The following ARHGAP15 variants were observed in gnomAD, a reference collection of about 807,000 sequenced individuals.
ARHGAP15 encodes the protein Rho GTPase activating protein 15.
A neutral mutation model predicts 63.7 loss-of-function variants in ARHGAP15; 51 were observed. That is an observed-to-expected ratio of 0.80 (90% CI 0.64 to 1.01). The LOEUF is 1.01. Ranked by LOEUF, ARHGAP15 falls within the 50% of genes least tolerant of loss-of-function variation. ARHGAP15 has a pLI of 0.00. For missense variants in ARHGAP15, 560 were observed against 564.6 expected, an observed-to-expected ratio of 0.99 and a Z score of 0.08; for synonymous variants, 191 against 193.8, an observed-to-expected ratio of 0.99 and a Z score of 0.12.
chr2:143,260,245 T>G (rs1345386095), intron 6 of ARHGAP15, among the ~76,000 whole-genome samples: 1 of 152,172 alleles, frequency 6.6e-6, no homozygotes, highest in Admixed American at 6.6e-5. Flanking sequence ...TAAGAAATTT[T>G]GATGATTCTC....
chr2:143,722,851 A>C (rs1350908621), intron 13 of ARHGAP15, among the ~76,000 whole-genome samples: 1 of 152,078 alleles, frequency 6.6e-6, no homozygotes, highest in East Asian at 1.9e-4. Context: ...GGGTGGGGCC[A>C]GGTTATGGGT....
chr2:143,743,676 T>C (rs1686051729), intron 13 of ARHGAP15, among the ~76,000 whole-genome samples: 1 of 152,152 alleles, frequency 6.6e-6, no homozygotes, highest in African/African-American at 2.4e-5. Context: ...GTTTCAGCAG[T>C]TTGCCAGATC....
chr2:143,347,814 ATTTT>A (rs11351121), intron 6 of ARHGAP15, among the ~76,000 whole-genome samples: 3 of 140,470 alleles, frequency 2.1e-5, no homozygotes, highest in Non-Finnish European at 3.1e-5. Flanking sequence ...TGACTTCGTG[ATTTT>A]TTTTTTTTTT....
chr2:143,544,315 G>A (rs1440482946), intron 10 of ARHGAP15, among the ~76,000 whole-genome samples: 1 of 152,134 alleles, frequency 6.6e-6, no homozygotes, highest in African/African-American at 2.4e-5. Flanking sequence ...CAAGGATACA[G>A]AATAGATTTA....
intron 13 of ARHGAP15, among the ~76,000 whole-genome samples, chr2:143,719,123 G>C (rs985984490): frequency 1.3e-5 from 2 of 152,202 alleles, no homozygotes; most frequent in Admixed American, 1.3e-4. Flanking sequence ...CAAGACATAG[G>C]TTGGTTCTCT....
intron 11 of ARHGAP15, chr2:143,587,720 G>A: frequency 2.1e-6 from 1 of 470,582 alleles, no homozygotes; most frequent in Non-Finnish European, 4.4e-6. Flanking sequence ...TATCAGAACT[G>A]GATGGAGACC....
At chr2:143,331,897 A>C (rs1684565632) in intron 6 of ARHGAP15, among the ~76,000 whole-genome samples, 2 of 152,148 alleles carry the variant, frequency 1.3e-5, no homozygotes, top group South Asian at 4.1e-4. Context: ...AAATTTAGTC[A>C]GCTTGTTTCT....
chr2:143,399,574 C>T (rs918445968), intron 6 of ARHGAP15, among the ~76,000 whole-genome samples: 4 of 151,970 alleles, frequency 2.6e-5, no homozygotes, highest in South Asian at 2.1e-4. Context: ...GAGAACATTA[C>T]GATTTACAGG....
At chr2:143,666,232 T>C (rs1682173440) in intron 12 of ARHGAP15, among the ~76,000 whole-genome samples, 1 of 146,908 alleles carries the variant, frequency 6.8e-6, no homozygotes, top group East Asian at 2.0e-4. Context: ...TATAGATCAA[T>C]GGAACAGAAC....
At chr2:143,177,001 A>T (rs1462271754) in intron 2 of ARHGAP15, among the ~76,000 whole-genome samples, 1 of 152,182 alleles carries the variant, frequency 6.6e-6, no homozygotes, top group Non-Finnish European at 1.5e-5. Flanking sequence ...ACCAGAAAGA[A>T]GTTGTATAAC....
intron 5 of ARHGAP15, among the ~76,000 whole-genome samples, chr2:143,231,296 G>A (rs1345545368): frequency 6.6e-6 from 1 of 152,024 alleles, no homozygotes; most frequent in Admixed American, 6.6e-5. Flanking sequence ...GTACACAATA[G>A]AGAGTATAAT....
At chr2:143,570,138 T>G (rs1243526128) in intron 11 of ARHGAP15, among the ~76,000 whole-genome samples, 1 of 152,212 alleles carries the variant, frequency 6.6e-6, no homozygotes, top group Non-Finnish European at 1.5e-5. Flanking sequence ...TATCTAAATG[T>G]GTCCCTTACA....
At chr2:143,646,139 T>C (rs1680867029) in intron 12 of ARHGAP15, among the ~76,000 whole-genome samples, 1 of 151,982 alleles carries the variant, frequency 6.6e-6, no homozygotes, top group Non-Finnish European at 1.5e-5. Context: ...AGACATGTGA[T>C]GAGATATTTA....
chr2:143,387,079 A>T (rs1687317862), intron 6 of ARHGAP15, among the ~76,000 whole-genome samples: 1 of 152,164 alleles, frequency 6.6e-6, no homozygotes, highest in Non-Finnish European at 1.5e-5. Flanking sequence ...TGATGAAATA[A>T]TCTGTACAAC....
At chr2:143,493,567 G>A (rs748850599) in intron 9 of ARHGAP15, among the ~76,000 whole-genome samples, 2 of 151,858 alleles carry the variant, frequency 1.3e-5, no homozygotes, top group Non-Finnish European at 2.9e-5. Flanking sequence ...TTTTTTTCTT[G>A]CATTCTGGGC....
At chr2:143,519,243 G>C in intron 9 of ARHGAP15, 23 bp from the exon 10 acceptor site, 1 of 1,550,846 alleles carries the variant, frequency 6.4e-7, no homozygotes, top group Non-Finnish European at 8.9e-7. Context: ...TTTTAATGAA[G>C]CTCATCTTTG....
intron 4 of ARHGAP15, among the ~76,000 whole-genome samples, chr2:143,224,058 G>A (rs550865469): frequency 4.6e-5 from 7 of 152,178 alleles, no homozygotes; most frequent in Non-Finnish European, 8.8e-5. Context: ...ATGGAGACAT[G>A]TGACCAGCTT....
At chr2:143,369,485 A>T (rs184819845) in intron 6 of ARHGAP15, among the ~76,000 whole-genome samples, 15 of 152,186 alleles carry the variant, frequency 9.9e-5, no homozygotes, top group East Asian at 1.9e-4. Context: ...ATAGCATATA[A>T]TTTTTTTAAT....
At chr2:143,605,813 C>A (rs926749467) in intron 11 of ARHGAP15, among the ~76,000 whole-genome samples, 2 of 140,766 alleles carry the variant, frequency 1.4e-5, no homozygotes, top group African/African-American at 5.3e-5. Flanking sequence ...CAGGAGTTCG[C>A]GAACAGCCTG....
Sources: allele counts gnomAD v4.1 joint callset (sites outside exome capture counted in the v4.1 genomes callset), GRCh38; gene constraint gnomAD v4.1.1; transcripts MANE v1.5; gene names NCBI Gene and HGNC (gene_info 2026-07-23, HGNC 2026-07-21).